Variants in SPAG1 observed in about 807,000 individuals in gnomAD.
SPAG1 encodes the protein sperm associated antigen 1, also known as sperm-associated antigen 1.
A neutral mutation model predicts 100.5 loss-of-function variants in SPAG1; 69 were observed. The ratio of observed to expected loss-of-function variants is 0.69; its 90% CI spans 0.57 to 0.84. The LOEUF is 0.84. Ranked by LOEUF, SPAG1 falls within the 40% of genes least tolerant of loss-of-function variation. The pLI is 0.00. For synonymous variants in SPAG1, 336 were observed against 411.6 expected (o/e 0.82, Z 2.22); for missense variants, 955 against 1,133.1 (o/e 0.84, Z 2.26).
intron 2 of SPAG1, among the ~76,000 whole-genome samples, chr8:100,162,924 C>T (rs1309413878): frequency 6.6e-6 from 1 of 151,940 alleles, no homozygotes; most frequent in Admixed American, 6.5e-5. Context: ...TGCCACTGCA[C>T]TCCAGCCTGG....
chr8:100,212,415 C>T (rs964555190), intron 10 of SPAG1, among the ~76,000 whole-genome samples: 1 of 152,184 alleles, frequency 6.6e-6, no homozygotes, highest in African/African-American at 2.4e-5. Flanking sequence ...AATATTTACA[C>T]ATCCTTTTTA....
At chr8:100,180,587 A>G (rs1816325558) in intron 4 of SPAG1, among the ~76,000 whole-genome samples, 1 of 152,244 alleles carries the variant, frequency 6.6e-6, no homozygotes, top group African/African-American at 2.4e-5. Flanking sequence ...GCCATGGCAG[A>G]ACAGCTGGTT....
chr8:100,172,527 T>A (rs1422830903), intron 3 of SPAG1, among the ~76,000 whole-genome samples: 1 of 151,760 alleles, frequency 6.6e-6, no homozygotes, highest in Non-Finnish European at 1.5e-5. Flanking sequence ...GGCTGAGGCA[T>A]GAGAATCACT....
At chr8:100,198,269 TCAAA>T (rs148512047) in intron 10 of SPAG1, among the ~76,000 whole-genome samples, 26,139 of 151,982 alleles carry the variant, frequency 0.17, 2,475 homozygotes, top group South Asian at 0.23. Flanking sequence ...TTCCAGGAGT[TCAAA>T]CAATCAACAA....
intron 12 of SPAG1, among the ~76,000 whole-genome samples, chr8:100,216,129 C>T (rs1422603017): frequency 6.6e-6 from 1 of 152,194 alleles, no homozygotes. Flanking sequence ...TCCCACCCCT[C>T]CTTTTTTCTT....
At chr8:100,166,138 G>A (rs1046915641) in intron 3 of SPAG1, among the ~76,000 whole-genome samples, 165 bp downstream of exon 3, 7 of 152,190 alleles carry the variant, frequency 4.6e-5, no homozygotes, top group East Asian at 1.9e-4. Flanking sequence ...GCGAATTCGC[G>A]TGTGTGTGCG....
intron 4 of SPAG1, among the ~76,000 whole-genome samples, chr8:100,180,962 A>G (rs1816340879): frequency 6.6e-6 from 1 of 152,214 alleles, no homozygotes; most frequent in Non-Finnish European, 1.5e-5. Flanking sequence ...CCAATGACCA[A>G]TAATTTTGAG....
chr8:100,195,414 T>C (rs1342582488), intron 10 of SPAG1, among the ~76,000 whole-genome samples: 2 of 151,982 alleles, frequency 1.3e-5, no homozygotes. Context: ...AATAATGCAA[T>C]GTATACACTT....
At chr8:100,177,987 C>G (rs750002953) in intron 4 of SPAG1, 46 bp downstream of exon 4, 2 of 1,563,882 alleles carry the variant, frequency 1.3e-6, no homozygotes, top group Admixed American at 3.6e-5. Flanking sequence ...GAGAGGATTG[C>G]TGCTGTTTAT....
intron 8 of SPAG1, among the ~76,000 whole-genome samples, chr8:100,188,533 CTCTT>C (rs760568468): frequency 5.3e-5 from 8 of 152,286 alleles, no homozygotes; most frequent in Middle Eastern, 3.4e-3. Context: ...CCAAAACTGA[CTCTT>C]TCTGCCAAAA....
chr8:100,179,063 CAAA>C (rs34312235), intron 4 of SPAG1, among the ~76,000 whole-genome samples: 1 of 112,074 alleles, frequency 8.9e-6, no homozygotes, highest in African/African-American at 3.4e-5. Context: ...TCCTCTGTCT[CAAA>C]AAAAAAAAAA....
At chr8:100,190,155 C>CA (rs1173446023) in intron 8 of SPAG1, among the ~76,000 whole-genome samples, 3 of 150,822 alleles carry the variant, frequency 2.0e-5, no homozygotes, top group Admixed American at 6.6e-5. Context: ...CTAAAAATAC[C>CA]AAAAAAAATT....
intron 10 of SPAG1, among the ~76,000 whole-genome samples, chr8:100,210,025 G>T (rs1277621528): frequency 6.6e-6 from 1 of 151,894 alleles, no homozygotes; most frequent in Middle Eastern, 3.2e-3. Flanking sequence ...ACAACTTTTA[G>T]TACAGTGTTG....
intron 3 of SPAG1, among the ~76,000 whole-genome samples, chr8:100,167,461 T>A (rs1449351743): frequency 1.3e-5 from 2 of 152,018 alleles, no homozygotes; most frequent in African/African-American, 4.8e-5. Context: ...GTTGTAAGAG[T>A]TATGTGAATA....
chr8:100,183,667 T>C (rs952257645), intron 5 of SPAG1, among the ~76,000 whole-genome samples: 4 of 152,086 alleles, frequency 2.6e-5, no homozygotes, highest in African/African-American at 9.7e-5. Flanking sequence ...AACTAATGTA[T>C]TTTTTATACC....
At chr8:100,215,094 T>C (rs1817917118) in intron 12 of SPAG1, among the ~76,000 whole-genome samples, 1 of 141,286 alleles carries the variant, frequency 7.1e-6, no homozygotes, top group African/African-American at 2.6e-5. Context: ...TACAGTGCTA[T>C]AGAACACTAG....
At chr8:100,171,166 AC>A (rs1326683228) in intron 3 of SPAG1, among the ~76,000 whole-genome samples, 1 of 152,214 alleles carries the variant, frequency 6.6e-6, no homozygotes, top group Non-Finnish European at 1.5e-5. Flanking sequence ...CAAATATTAT[AC>A]CAACCTTACA....
At chr8:100,179,039 G>A (rs1296054641) in intron 4 of SPAG1, among the ~76,000 whole-genome samples, 6 of 147,010 alleles carry the variant, frequency 4.1e-5, no homozygotes, top group Admixed American at 6.9e-5. Flanking sequence ...AGGTTGCAGC[G>A]AGCTGAGATT....
At chr8:100,162,540 A>C in intron 2 of SPAG1, 120 bp downstream of exon 2, 2 of 770,254 alleles carry the variant, frequency 2.6e-6, no homozygotes, top group Non-Finnish European at 4.0e-6. Context: ...GGTAGGTCCC[A>C]AAATAGTGGT....
Sources: allele counts gnomAD v4.1 joint callset (sites outside exome capture counted in the v4.1 genomes callset), GRCh38; gene constraint gnomAD v4.1.1; transcripts MANE v1.5; gene names NCBI Gene and HGNC (gene_info 2026-07-23, HGNC 2026-07-21).